Variants in OPA1 observed in about 807,000 individuals in gnomAD.
The protein encoded by OPA1 is OPA1 mitochondrial dynamin like GTPase.
Under a neutral mutation model 152.9 loss-of-function variants are expected in OPA1, and 59 were observed. That is an observed-to-expected ratio of 0.39 (90% CI 0.31 to 0.48). The LOEUF (loss-of-function observed/expected upper bound fraction) is 0.48. Ranked by LOEUF, OPA1 falls within the 20% of genes least tolerant of loss-of-function variation. The pLI, the probability that OPA1 is intolerant of heterozygous loss-of-function variation, is 0.96. For synonymous variants in OPA1, 400 were observed against 389.9 expected, an observed-to-expected ratio of 1.03 and a Z score of -0.31; for missense variants, 1,008 against 1,216.8, an observed-to-expected ratio of 0.83 and a Z score of 2.55.
Position 193,647,614 on chromosome 3 carries a change from T to C in OPA1, c.1870+434T>C, listed in dbSNP as rs868604714. Among the ~76,000 whole-genome samples, 5 of 152,340 alleles carry C rather than the reference T, an allele frequency of 3.3e-5. 1 individual carries two copies. The Middle Eastern group carries it at 0.017, about 518-fold the overall frequency. On this transcript the variant is annotated intron_variant, in intron 19 of 30. Transcript: ENST00000361510. ...TATATTTGCTTTCTCTTTTCCCATA[T>C]GTAAATCCTACCTGATCCTACCTAT...
At chr3:193,692,288 G>A (rs1186931503) in intron 30 of OPA1, among the ~76,000 whole-genome samples, 156 bp downstream of exon 30, 1 of 152,168 alleles carries the variant, frequency 6.6e-6, no homozygotes. Context: ...AATTTCATTT[G>A]TATAACGTTG....
intron 29 of OPA1, among the ~76,000 whole-genome samples, chr3:193,684,599 C>T (rs548094335): frequency 4.6e-5 from 7 of 151,904 alleles, no homozygotes; most frequent in South Asian, 2.1e-4. Context: ...TACAGGCGCC[C>T]GCCACTACGC....
At chr3:193,681,095 G>A (rs1360622571) in intron 29 of OPA1, among the ~76,000 whole-genome samples, 1 of 152,028 alleles carries the variant, frequency 6.6e-6, no homozygotes, top group Non-Finnish European at 1.5e-5. Context: ...AGTATTGTAG[G>A]AATAGATATT....
chr3:193,666,144 CT>C, intron 27 of OPA1, 151 bp from the exon 28 acceptor site: 1 of 696,912 alleles, frequency 1.4e-6, no homozygotes, highest in Non-Finnish European at 2.5e-6. Context: ...AGAAAGGATT[CT>C]GTAGCTTATA....
rs1479095618 is a variant in OPA1, at chr3:193,647,170, T to C, written c.1860T>C (p.Asp620=). The part of the protein sequence containing the change: ...MVRESVEQQA[D]SFKATRFNLE... ...GAGAGTCTGTTGAACAACAGGCTGA[T>C]AGTTTCAAAGGTAAGTTGGATTTTT... is the stretch of plus-strand genomic sequence containing the variant. The change falls in exon 19 of 31, where the codon GAT becomes GAC. Residue 620 remains aspartate (D), a synonymous_variant. Coordinates refer to ENST00000361510, the MANE Select transcript of OPA1 (RefSeq NM_130837.3). 1 of 1,609,328 alleles carries C rather than the reference T, an allele frequency of 6.2e-7. No homozygotes were observed. Among genetic ancestry groups the C allele is most frequent in the African/African-American group, 1.3e-5 (1 of 74,824 alleles).
At chr3:193,672,868 CAAAAAAA>C (rs10713785) in intron 29 of OPA1, among the ~76,000 whole-genome samples, 1 of 106,084 alleles carries the variant, frequency 9.4e-6, no homozygotes, top group Non-Finnish European at 2.0e-5. Flanking sequence ...GACTCCATCT[CAAAAAAA>C]AAAAAAAAAC....
At chr3:193,626,250 C>G in intron 7 of OPA1, 48 bp downstream of exon 7, 1 of 1,309,562 alleles carries the variant, frequency 7.6e-7, no homozygotes. Flanking sequence ...ACTAATCAGC[C>G]ATTTCTGCCA....
intron 26 of OPA1, among the ~76,000 whole-genome samples, chr3:193,664,660 A>C (rs1363045507): frequency 6.6e-6 from 1 of 151,946 alleles, no homozygotes; most frequent in Non-Finnish European, 1.5e-5. Context: ...GCTAATTTTT[A>C]AGTACATAAA....
At chr3:193,682,632 G>T (rs892105592) in intron 29 of OPA1, among the ~76,000 whole-genome samples, 3 of 152,118 alleles carry the variant, frequency 2.0e-5, no homozygotes, top group Non-Finnish European at 2.9e-5. Flanking sequence ...AAATCCTAGG[G>T]CCCTTAAGGA....
chr3:193,632,943 C>G (rs1050790012), intron 8 of OPA1, among the ~76,000 whole-genome samples: 2 of 152,170 alleles, frequency 1.3e-5, no homozygotes, highest in African/African-American at 2.4e-5. Context: ...TTGAATATCT[C>G]TTATCTGAGG....
chr3:193,677,293 T>TC (rs1214438104), intron 29 of OPA1, among the ~76,000 whole-genome samples: 8 of 145,404 alleles, frequency 5.5e-5, no homozygotes, highest in Non-Finnish European at 1.1e-4. Flanking sequence ...TTTTACTTCT[T>TC]TTTTTTTTTT....
chr3:193,687,272 A>G (rs184646200), intron 29 of OPA1, among the ~76,000 whole-genome samples: 4 of 152,334 alleles, frequency 2.6e-5, no homozygotes, highest in African/African-American at 9.6e-5. Context: ...GATTATGGGA[A>G]TATTCATGAC....
intron 1 of OPA1, among the ~76,000 whole-genome samples, chr3:193,608,994 A>T (rs191634298): frequency 1.1e-4 from 16 of 151,832 alleles, no homozygotes; most frequent in African/African-American, 3.9e-4. Flanking sequence ...TGTTGGTTTA[A>T]AGTCTGTTTT....
At chr3:193,688,760 T>A (rs943735102) in intron 29 of OPA1, among the ~76,000 whole-genome samples, 1 of 151,976 alleles carries the variant, frequency 6.6e-6, no homozygotes. Flanking sequence ...TGGGGAGGAT[T>A]GCTTGAGGCC....
At chr3:193,611,996 C>T (rs1265714509) in intron 1 of OPA1, among the ~76,000 whole-genome samples, 1 of 152,168 alleles carries the variant, frequency 6.6e-6, no homozygotes, top group Non-Finnish European at 1.5e-5. Context: ...ATGTCCTCCT[C>T]AGGTTTGTCC....
At chr3:193,639,253 G>C (rs892621591) in intron 11 of OPA1, among the ~76,000 whole-genome samples, 4 of 152,194 alleles carry the variant, frequency 2.6e-5, no homozygotes, top group African/African-American at 4.8e-5. Context: ...TGCCTTAATG[G>C]AGGGTATGTT....
chr3:193,638,523 C>G (rs182557008), intron 11 of OPA1, among the ~76,000 whole-genome samples: 11 of 152,160 alleles, frequency 7.2e-5, no homozygotes, highest in Non-Finnish European at 1.5e-4. Context: ...TACGTAAACA[C>G]ACTCTCTGAA....
chr3:193,678,514 T>G (rs1218143503), intron 29 of OPA1, among the ~76,000 whole-genome samples: 1 of 152,214 alleles, frequency 6.6e-6, no homozygotes, highest in Non-Finnish European at 1.5e-5. Context: ...CAGGTTGGCT[T>G]CTTATACCCA....
chr3:193,634,610 A>G (rs7622836), intron 8 of OPA1, among the ~76,000 whole-genome samples: 4 of 152,048 alleles, frequency 2.6e-5, no homozygotes, highest in African/African-American at 7.2e-5. Flanking sequence ...GGGTTTCACC[A>G]TGTTGGCCAG....
Sources: gnomAD v4.1 joint callset for allele counts (sites outside exome capture counted in the v4.1 genomes callset) on GRCh38, gnomAD v4.1.1 for gene constraint, MANE v1.5 for transcripts, NCBI Gene and HGNC (gene_info 2026-07-23, HGNC 2026-07-21) for gene names.